The following MAPRE1 variants were observed in gnomAD, a reference collection of about 807,000 sequenced individuals.
The protein encoded by MAPRE1 is microtubule associated protein RP/EB family member 1, also known as microtubule-associated protein RP/EB family member 1.
MAPRE1 carries 5 observed loss-of-function variants against 32.1 expected under a neutral mutation model. The ratio of observed to expected loss-of-function variants is 0.16; its 90% confidence interval spans 0.08 to 0.33. The LOEUF (loss-of-function observed/expected upper bound fraction) is 0.33. MAPRE1 is among the 10% of genes least tolerant of loss of function. MAPRE1 has a pLI of 1.00. For missense variants in MAPRE1, 209 were observed against 327.2 expected, an observed-to-expected ratio of 0.64 and a Z score of 2.79; for synonymous variants, 122 against 118.9, an observed-to-expected ratio of 1.03 and a Z score of -0.17.
intron 1 of MAPRE1, among the ~76,000 whole-genome samples, chr20:32,820,464 T>G (rs928948263): frequency 6.6e-6 from 1 of 152,114 alleles, no homozygotes; most frequent in African/African-American, 2.4e-5. Context: ...TTGGGTTCCG[T>G]GCGGTGTGAC....
intron 4 of MAPRE1, 69 bp downstream of exon 4, chr20:32,836,910 A>AT (rs1263788093): frequency 2.1e-6 from 3 of 1,398,066 alleles, no homozygotes; most frequent in East Asian, 2.3e-5. Context: ...TTCAACTAGA[A>AT]TTTTTTTCAG....
At chr20:32,823,888 C>CA (rs2146120201) in intron 1 of MAPRE1, among the ~76,000 whole-genome samples, 1 of 152,178 alleles carries the variant, frequency 6.6e-6, no homozygotes, top group South Asian at 2.1e-4. Flanking sequence ...CACCCTGCCT[C>CA]AAAAAACAAA....
intron 1 of MAPRE1, among the ~76,000 whole-genome samples, chr20:32,824,154 C>G (rs1982778016): frequency 6.6e-6 from 1 of 152,206 alleles, no homozygotes; most frequent in Non-Finnish European, 1.5e-5. Context: ...CTTTGCACCA[C>G]TAGAATGTGA....
upstream of MAPRE1, chr20:32,819,915 G>C (rs1173170158): frequency 6.6e-6 from 1 of 151,904 alleles, no homozygotes; most frequent in Admixed American, 6.6e-5. Context: ...GCGTAACGAG[G>C]GGGTGCGTGT....
Position 32,821,104 on chromosome 20 carries a change from C to T in MAPRE1, c.-4+1076C>T, listed in dbSNP as rs138131093. 1.3e-3 allele frequency among the ~76,000 whole-genome samples: 192 copies of T among 152,076 alleles called. 5 individuals are homozygous for T. In the East Asian group the frequency reaches 0.036, roughly 29 times the overall value. ...CACCATCGCTCACTGCAACCTCCGCCTCCCGGGTTCAAGCGATTCTCGTGC... is the reference window on the plus strand; with the variant it reads ...CACCATCGCTCACTGCAACCTCCGCTTCCCGGGTTCAAGCGATTCTCGTGC... On this transcript the variant is annotated intron_variant, in intron 1 of 6. Coordinates refer to ENST00000375571, the MANE Select transcript of MAPRE1 (RefSeq NM_012325.3).
chr20:32,842,639 T>C (rs998002875), intron 5 of MAPRE1, among the ~76,000 whole-genome samples: 1 of 152,182 alleles, frequency 6.6e-6, no homozygotes, highest in African/African-American at 2.4e-5. Flanking sequence ...GCACCCACCT[T>C]TGGAAACTGT....
At chr20:32,838,549 G>T (rs80142438) in intron 4 of MAPRE1, among the ~76,000 whole-genome samples, 1 of 152,200 alleles carries the variant, frequency 6.6e-6, no homozygotes. Context: ...TGTGCCATGT[G>T]TTAACTCTGT....
intron 2 of MAPRE1, among the ~76,000 whole-genome samples, chr20:32,830,975 C>G (rs374197335): frequency 2.6e-5 from 4 of 152,140 alleles, no homozygotes; most frequent in Admixed American, 2.6e-4. Flanking sequence ...CCGCCTGCGT[C>G]GGCCTCCCAA....
rs1568879412 is a variant in MAPRE1, at chr20:32,833,995, C to T, written c.267+133C>T. On this transcript the variant is annotated intron_variant, in intron 3 of 6. Transcript: ENST00000375571. ...TCTAGTTAACTTTTCTCAGTTAACA[C>T]AGAATTTACTGGGAGCAGTTTGCCC... The T allele has an allele frequency of 3.6e-6, 3 of 839,332 alleles. No individual in the cohort carries two copies. The East Asian group carries it at 8.6e-5, about 24-fold the overall frequency. The allele number at this position is 839,332 out of a possible 1,614,324, so 52.0% of individuals were successfully genotyped here.
At position 32,844,439 on chromosome 20, in the gene MAPRE1, C is replaced by CTTTTTTTTTTTT. The variant is rs71190880; in HGVS notation, c.598-2159_598-2148dup. Among the ~76,000 whole-genome samples the CTTTTTTTTTTTT allele has an allele frequency of 1.5e-3, 78 of 52,054 alleles. 12 individuals are homozygous for CTTTTTTTTTTTT. The highest frequency in any genetic ancestry group is 2.3e-3 in the African/African-American group (31 of 13,722). 34.1% of individuals were successfully genotyped at this position (52,054 alleles called of 152,430 possible). ...CTAGGTGGATACCAAGCTAGCATTCCTTTTTTTTTTTTTTTTTTTTTTTTT... is the reference window on the plus strand; with the variant it reads ...CTAGGTGGATACCAAGCTAGCATTCCTTTTTTTTTTTTTTTTTTTTTTTTTTTTTTTTTTTTT... On this transcript the variant is annotated intron_variant, in intron 5 of 6. Coordinates refer to ENST00000375571, the MANE Select transcript of MAPRE1 (RefSeq NM_012325.3).
At chr20:32,828,514 C>T (rs1229737394) in intron 2 of MAPRE1, among the ~76,000 whole-genome samples, 3 of 152,226 alleles carry the variant, frequency 2.0e-5, no homozygotes, top group East Asian at 3.8e-4. Context: ...CATAAAGAGG[C>T]TTCAGTCTGC....
chr20:32,834,897 A>G (rs981076265), intron 3 of MAPRE1, among the ~76,000 whole-genome samples: 7 of 152,214 alleles, frequency 4.6e-5, no homozygotes, highest in East Asian at 1.9e-4. Flanking sequence ...ATCTAATTCT[A>G]TCCTATCCTA....
At chr20:32,832,410 A>C (rs1983055978) in intron 2 of MAPRE1, among the ~76,000 whole-genome samples, 1 of 151,566 alleles carries the variant, frequency 6.6e-6, no homozygotes, top group Non-Finnish European at 1.5e-5. Flanking sequence ...AAAATGGGCA[A>C]GTGGGGGAAG....
At position 32,836,974 on chromosome 20, in the gene MAPRE1, T is replaced by A. The variant is rs1983220497; in HGVS notation, c.475+133T>A. ...TATAATCCCAGGCATGTGGCCAGAGTATGGATTTTGGCATCAGGCAGATAA... is the reference window on the plus strand; with the variant it reads ...TATAATCCCAGGCATGTGGCCAGAGAATGGATTTTGGCATCAGGCAGATAA... On this transcript the variant is annotated intron_variant, in intron 4 of 6. Transcript: ENST00000375571. 3 of 839,378 alleles carry A rather than the reference T, an allele frequency of 3.6e-6. No homozygotes were observed. The South Asian group carries it at 5.7e-5, about 16-fold the overall frequency. The allele number at this position is 839,378 out of a possible 1,614,324, so 52.0% of individuals were successfully genotyped here. A position where few individuals can be genotyped will look rare whatever the true frequency, so the allele number is the denominator to read the frequency against.
chr20:32,835,590 TTTTTCTTTTC>T (rs959633943), intron 3 of MAPRE1, among the ~76,000 whole-genome samples: 10 of 151,966 alleles, frequency 6.6e-5, no homozygotes, highest in Admixed American at 2.0e-4. Context: ...GAATTATTCT[TTTTTCTTTTC>T]TTTTCTTTTC....
Position 32,825,970 on chromosome 20 carries a change from C to T in MAPRE1, c.43C>T (p.Leu15=). 3 of 1,610,468 alleles carry T rather than the reference C, an allele frequency of 1.9e-6. No individual in the cohort carries two copies. The highest frequency in any genetic ancestry group is 2.5e-6 in the Non-Finnish European group (3 of 1,177,232). ...CTCAACGTCAGTGACCAGTGATAACCTAAGTCGACATGACATGCTGGCCTG... is the reference window on the plus strand; with the variant it reads ...CTCAACGTCAGTGACCAGTGATAACTTAAGTCGACATGACATGCTGGCCTG... ...VYSTSVTSDN[L]SRHDMLAWIN... The change falls in exon 2 of 7, where the codon CTA becomes TTA. Residue 15 remains leucine (L), a synonymous_variant. Transcript: ENST00000375571.
Position 32,840,195 on chromosome 20 carries a change from G to T in MAPRE1, c.597+339G>T, listed in dbSNP as rs564831215. ...TCCTTTTTGAATAATTTAATAAAAA[G>T]GATTCCGCAGTCTCTCTGCTGAGTC... On this transcript the variant is annotated intron_variant, in intron 5 of 6. Coordinates refer to ENST00000375571, the MANE Select transcript of MAPRE1 (RefSeq NM_012325.3). Among the ~76,000 whole-genome samples, 4 of 152,290 alleles carry T rather than the reference G, an allele frequency of 2.6e-5. No individual in the cohort carries two copies. The South Asian group carries it at 8.3e-4, about 32-fold the overall frequency.
At position 32,835,342 on chromosome 20, in the gene MAPRE1, TTGTG is replaced by T. The variant is rs543931042; in HGVS notation, c.268-1284_268-1281del. ...GGTCCTTATGTATATTTGTTATTTT[TTGTG>T]TGTGTGTTTTTATTGGTGTTTTTTT... On this transcript the variant is annotated intron_variant, in intron 3 of 6. Transcript: ENST00000375571. Among the ~76,000 whole-genome samples the T allele has an allele frequency of 1.5e-3, 229 of 151,790 alleles. 2 individuals are homozygous for T. The highest frequency in any genetic ancestry group is 5.0e-3 in the African/African-American group (207 of 41,364).
upstream of MAPRE1, chr20:32,819,914 G>A (rs867734208): frequency 2.2e-4 from 34 of 152,020 alleles, no homozygotes; most frequent in Middle Eastern, 3.4e-3. Flanking sequence ...CGCGTAACGA[G>A]GGGGTGCGTG....
Sources: allele counts gnomAD v4.1 joint callset (sites outside exome capture counted in the v4.1 genomes callset), GRCh38; gene constraint gnomAD v4.1.1; transcripts MANE v1.5; gene names NCBI Gene and HGNC (gene_info 2026-07-23, HGNC 2026-07-21).